Variants in CNTNAP2 observed in about 807,000 individuals in gnomAD.
CNTNAP2 encodes the protein contactin associated protein 2.
Under a neutral mutation model 155.2 loss-of-function variants are expected in CNTNAP2, and 98 were observed. The observed-to-expected ratio is 0.63, with a 90% CI of 0.54 to 0.75. The LOEUF (loss-of-function observed/expected upper bound fraction) is 0.75. CNTNAP2 is among the 30% of genes least tolerant of loss of function. The probability of loss-of-function intolerance (pLI) is 0.00; values close to 1 mark genes in which losing one functional copy is unlikely to be tolerated. For synonymous variants in CNTNAP2, 651 were observed against 631.2 expected, an observed-to-expected ratio of 1.03 and a Z score of -0.47; for missense variants, 1,727 against 1,688.1, an observed-to-expected ratio of 1.02 and a Z score of -0.40.
chr7:147,720,519 G>A (rs1796549111), intron 13 of CNTNAP2, among the ~76,000 whole-genome samples: 2 of 152,098 alleles, frequency 1.3e-5, no homozygotes, highest in Admixed American at 1.3e-4. Flanking sequence ...ATATGGTTAG[G>A]CTTTGTGTCC....
chr7:146,618,363 C>T (rs1799262272), intron 1 of CNTNAP2, among the ~76,000 whole-genome samples: 1 of 152,130 alleles, frequency 6.6e-6, no homozygotes, highest in South Asian at 2.1e-4. Flanking sequence ...ATTAATTGTA[C>T]ATTTTAGGGT....
chr7:146,460,081 C>G (rs1796613765), intron 1 of CNTNAP2, among the ~76,000 whole-genome samples: 1 of 152,106 alleles, frequency 6.6e-6, no homozygotes, highest in Admixed American at 6.6e-5. Context: ...GGATTTAGAA[C>G]TATTGGAACA....
At chr7:148,074,935 G>C (rs1803456738) in intron 15 of CNTNAP2, among the ~76,000 whole-genome samples, 1 of 152,068 alleles carries the variant, frequency 6.6e-6, no homozygotes, top group Non-Finnish European at 1.5e-5. Context: ...ACAAACTTCT[G>C]CTTCTCACTT....
chr7:146,662,886 A>T lies in CNTNAP2; in HGVS notation c.98-111385A>T, dbSNP rs1028359472. ...GAAATCAACTGACCTTATATTTGCG[A>T]GTCTGTATCCAGACACTCTAGTCTA... On this transcript the variant is annotated intron_variant, in intron 1 of 23. Coordinates refer to ENST00000361727, the MANE Select transcript of CNTNAP2 (RefSeq NM_014141.6). Among the ~76,000 whole-genome samples, 3 of 152,274 alleles carry T rather than the reference A, an allele frequency of 2.0e-5. No homozygotes were observed. In the South Asian group the frequency reaches 6.2e-4, roughly 32 times the overall value.
chr7:146,774,168 T>A, intron 1 of CNTNAP2, 103 bp from the exon 2 acceptor site: 2 of 815,672 alleles, frequency 2.5e-6, no homozygotes, highest in Non-Finnish European at 2.1e-6. Context: ...CAAAGATACA[T>A]AAAAGACATA....
intron 16 of CNTNAP2, among the ~76,000 whole-genome samples, chr7:148,126,713 T>C (rs61692804): frequency 0.016 from 2,475 of 152,244 alleles, 73 homozygotes; most frequent in African/African-American, 0.056. Context: ...CAAACTTTAC[T>C]GTCCTGGGGT....
intron 1 of CNTNAP2, among the ~76,000 whole-genome samples, chr7:146,149,865 G>GCAT (rs1798011054): frequency 8.0e-6 from 1 of 125,404 alleles, no homozygotes; most frequent in African/African-American, 3.0e-5. Context: ...CACACAAACA[G>GCAT]CATTAGCCAC....
intron 7 of CNTNAP2, 63 bp downstream of exon 7, chr7:147,128,899 G>T: frequency 6.3e-7 from 1 of 1,596,708 alleles, no homozygotes; most frequent in Non-Finnish European, 8.6e-7. Context: ...TTGTTTTTTG[G>T]ATTATTGAAC....
At chr7:148,118,889 A>G (rs1804536435) in intron 16 of CNTNAP2, among the ~76,000 whole-genome samples, 1 of 152,220 alleles carries the variant, frequency 6.6e-6, no homozygotes, top group Non-Finnish European at 1.5e-5. Flanking sequence ...GATGCTGCTT[A>G]GCTCAGCTCA....
intron 1 of CNTNAP2, among the ~76,000 whole-genome samples, chr7:146,722,272 C>A (rs1312798119): frequency 1.3e-5 from 2 of 151,976 alleles, no homozygotes; most frequent in Non-Finnish European, 2.9e-5. Flanking sequence ...AAGAATGGTA[C>A]CTGAACCCTG....
intron 1 of CNTNAP2, among the ~76,000 whole-genome samples, chr7:146,163,489 A>C (rs1168237188): frequency 7.7e-6 from 1 of 130,574 alleles, no homozygotes; most frequent in Non-Finnish European, 1.6e-5. Flanking sequence ...ATATCTATCT[A>C]TATCTATATC....
chr7:148,081,753 C>G (rs1180965483), intron 15 of CNTNAP2, among the ~76,000 whole-genome samples: 1 of 151,980 alleles, frequency 6.6e-6, no homozygotes, highest in Non-Finnish European at 1.5e-5. Context: ...GGAGAAGAAA[C>G]ATGTCTCCAG....
chr7:146,509,586 G>T lies in CNTNAP2; in HGVS notation c.98-264685G>T, dbSNP rs1460569470. ...CTGGTGTATTTTCTGATGAGCCACT[G>T]GGGGAGCCCACAACAGAGGTTCTTC... On this transcript the variant is annotated intron_variant, in intron 1 of 23. Coordinates refer to ENST00000361727, the MANE Select transcript of CNTNAP2 (RefSeq NM_014141.6). Among the ~76,000 whole-genome samples the T allele has an allele frequency of 5.3e-5, 8 of 152,234 alleles. No individual in the cohort carries two copies. The East Asian group carries it at 1.2e-3, about 22-fold the overall frequency.
intron 8 of CNTNAP2, among the ~76,000 whole-genome samples, chr7:147,180,616 C>T (rs1217208149): frequency 6.6e-6 from 1 of 151,998 alleles, no homozygotes; most frequent in Non-Finnish European, 1.5e-5. Context: ...TAGAGCTTTA[C>T]CTTAGTAAGA....
chr7:147,112,802 G>A (rs756896137), intron 5 of CNTNAP2, among the ~76,000 whole-genome samples: 9 of 152,076 alleles, frequency 5.9e-5, no homozygotes, highest in Non-Finnish European at 1.0e-4. Context: ...TTGCATAGAT[G>A]TTCATCAAAA....
At chr7:146,369,797 T>C (rs1420150945) in intron 1 of CNTNAP2, among the ~76,000 whole-genome samples, 3 of 152,138 alleles carry the variant, frequency 2.0e-5, no homozygotes, top group African/African-American at 7.2e-5. Flanking sequence ...AATATTTTTA[T>C]AATATATCAC....
intron 1 of CNTNAP2, among the ~76,000 whole-genome samples, chr7:146,136,508 G>A (rs757800173): frequency 6.6e-6 from 1 of 152,126 alleles, no homozygotes; most frequent in Non-Finnish European, 1.5e-5. Flanking sequence ...GAGCACACCT[G>A]CTCTAAGTAT....
intron 14 of CNTNAP2, among the ~76,000 whole-genome samples, chr7:147,956,320 C>T (rs1255557483): frequency 6.1e-5 from 9 of 148,492 alleles, no homozygotes; most frequent in Admixed American, 5.4e-4. Context: ...AAAAAGCTAT[C>T]AGTGAGATAA....
chr7:146,414,711 G>A (rs536613622), intron 1 of CNTNAP2, among the ~76,000 whole-genome samples: 6 of 152,236 alleles, frequency 3.9e-5, no homozygotes, highest in African/African-American at 1.4e-4. Context: ...GCTGGGTTTG[G>A]AAGTAGGTGG....
Sources: allele counts gnomAD v4.1 joint callset (sites outside exome capture counted in the v4.1 genomes callset), GRCh38; gene constraint gnomAD v4.1.1; transcripts MANE v1.5; gene names NCBI Gene and HGNC (gene_info 2026-07-23, HGNC 2026-07-21).